The following LHFPL3 variants were observed in gnomAD, a reference collection of about 807,000 sequenced individuals.
LHFPL3 encodes the protein LHFPL tetraspan subfamily member 3.
A neutral mutation model predicts 19.3 loss-of-function variants in LHFPL3; 5 were observed. That is an observed-to-expected ratio of 0.26 (90% CI 0.14 to 0.54). LHFPL3 has a LOEUF of 0.54. Ranked by LOEUF, LHFPL3 falls within the 20% of genes least tolerant of loss-of-function variation. The pLI is 0.94. For synonymous variants in LHFPL3, 133 were observed against 126.2 expected (o/e 1.05, Z -0.36); for missense variants, 249 against 307.4 (o/e 0.81, Z 1.42).
intron 1 of LHFPL3, among the ~76,000 whole-genome samples, chr7:104,720,052 G>T (rs1793458315): frequency 6.6e-6 from 1 of 152,174 alleles, no homozygotes; most frequent in Admixed American, 6.5e-5. Context: ...AGCCTAGGCA[G>T]AAGAACATGG....
At chr7:104,643,203 T>C (rs1049227091) in intron 1 of LHFPL3, among the ~76,000 whole-genome samples, 4 of 152,178 alleles carry the variant, frequency 2.6e-5, no homozygotes, top group African/African-American at 9.6e-5. Flanking sequence ...GCAGGCCTTC[T>C]GGTTTCATTT....
chr7:104,531,367 C>T (rs1394251423), intron 1 of LHFPL3, among the ~76,000 whole-genome samples: 1 of 152,128 alleles, frequency 6.6e-6, no homozygotes, highest in Non-Finnish European at 1.5e-5. Flanking sequence ...TAAGAGTTGG[C>T]AAGGACCGGT....
intron 1 of LHFPL3, among the ~76,000 whole-genome samples, chr7:104,665,537 G>A (rs982826294): frequency 1.1e-4 from 17 of 152,190 alleles, no homozygotes; most frequent in South Asian, 4.2e-4. Flanking sequence ...GCATAACGCC[G>A]GCTTTGTGTA....
rs750274423 is a variant in LHFPL3, at chr7:104,736,809, A to C, written c.580A>C (p.Ile194Leu). ...CSVRWAYILA[I>L]IGILDALILS... is the part of the protein sequence containing the mutation. Reference sequence around the variant, plus strand: ...AGTCCGCTGGGCATACATCCTGGCTATTATTGGAATTTTGGATGCCCTGAT... The same window carrying C: ...AGTCCGCTGGGCATACATCCTGGCTCTTATTGGAATTTTGGATGCCCTGAT... Residue 194 changes from isoleucine (I) to leucine (L), a missense_variant, in exon 2 of 3, where the codon ATT (isoleucine) becomes CTT (leucine). Physicochemically the swap from Ile to Leu is conservative, Grantham distance 5. Transcript: ENST00000424859. The C allele has an allele frequency of 2.0e-5, 33 of 1,613,264 alleles. No homozygotes were observed. Among genetic ancestry groups the C allele is most frequent in the Non-Finnish European group, 2.6e-5 (31 of 1,179,712 alleles).
intron 1 of LHFPL3, among the ~76,000 whole-genome samples, chr7:104,352,342 C>CT (rs1376905160): frequency 1.3e-5 from 2 of 151,980 alleles, no homozygotes; most frequent in African/African-American, 4.8e-5. Context: ...ATATAAAATA[C>CT]TTTTGCACGT....
intron 2 of LHFPL3, among the ~76,000 whole-genome samples, chr7:104,823,636 C>T (rs1254482586): frequency 6.6e-6 from 1 of 152,126 alleles, no homozygotes; most frequent in Non-Finnish European, 1.5e-5. Context: ...TAAAGCAAAA[C>T]TCAGAAACAT....
intron 2 of LHFPL3, among the ~76,000 whole-genome samples, chr7:104,766,478 T>C (rs1432163152): frequency 6.6e-6 from 1 of 152,204 alleles, no homozygotes; most frequent in Non-Finnish European, 1.5e-5. Context: ...ACTAAAATAC[T>C]TAATGGGCTA....
intron 1 of LHFPL3, among the ~76,000 whole-genome samples, chr7:104,603,114 CTTTCTTTCTTTCTTTCT>C (rs1791011556): frequency 3.1e-5 from 4 of 128,544 alleles, no homozygotes; most frequent in Admixed American, 1.6e-4. Flanking sequence ...TTCTTTCTTT[CTTTCTTTCTTTCTTTCT>C]TTTTTCCCTT....
chr7:104,491,985 G>A (rs1170519098), intron 1 of LHFPL3, among the ~76,000 whole-genome samples: 1 of 152,078 alleles, frequency 6.6e-6, no homozygotes, highest in African/African-American at 2.4e-5. Context: ...ACAAAAACTA[G>A]GTCTATGTTC....
chr7:104,766,050 A>G (rs183162310), intron 2 of LHFPL3, among the ~76,000 whole-genome samples: 54 of 152,342 alleles, frequency 3.5e-4, no homozygotes, highest in African/African-American at 1.3e-3. Flanking sequence ...GCTTGTTTCA[A>G]TATCTTTTCT....
intron 1 of LHFPL3, among the ~76,000 whole-genome samples, chr7:104,689,005 T>A (rs1426354136): frequency 4.6e-5 from 7 of 152,168 alleles, no homozygotes; most frequent in Non-Finnish European, 1.5e-5. Context: ...TAGTAGTTTA[T>A]TTGCTTGGTT....
intron 1 of LHFPL3, among the ~76,000 whole-genome samples, chr7:104,549,252 C>G (rs867831383): frequency 9.9e-5 from 15 of 152,054 alleles, no homozygotes; most frequent in Admixed American, 3.3e-4. Flanking sequence ...TCTCTCTTCT[C>G]TCTCCATATG....
intron 1 of LHFPL3, among the ~76,000 whole-genome samples, chr7:104,405,812 T>C (rs1791401784): frequency 6.6e-6 from 1 of 152,188 alleles, no homozygotes; most frequent in Non-Finnish European, 1.5e-5. Flanking sequence ...TGGATGTAAC[T>C]GGTATTAATT....
At chr7:104,365,490 G>C (rs1313953040) in intron 1 of LHFPL3, among the ~76,000 whole-genome samples, 1 of 151,458 alleles carries the variant, frequency 6.6e-6, no homozygotes, top group African/African-American at 2.4e-5. Flanking sequence ...TCAACAAGAT[G>C]AAAAGCCTCG....
intron 1 of LHFPL3, among the ~76,000 whole-genome samples, chr7:104,382,179 C>T (rs926882266): frequency 3.3e-5 from 5 of 152,150 alleles, no homozygotes; most frequent in African/African-American, 1.2e-4. Context: ...CCCTCTGGAC[C>T]AGCAGTATCT....
rs574544293 is a variant in LHFPL3, at chr7:104,403,022, CAG to C, written c.445+73799_445+73800del. ...GTTGAACAATTGGAACACGTGGACA[CAG>C]GGAAGTGAACATCACACACCGGGGC... On this transcript the variant is annotated intron_variant, in intron 1 of 2. Coordinates refer to ENST00000424859, the MANE Select transcript of LHFPL3 (RefSeq NM_199000.3). 5.3e-5 allele frequency among the ~76,000 whole-genome samples: 8 copies of C among 152,106 alleles called. No individual in the cohort carries two copies. The South Asian group carries it at 8.3e-4, about 16-fold the overall frequency.
intron 2 of LHFPL3, among the ~76,000 whole-genome samples, chr7:104,878,371 T>A (rs1482534013): frequency 6.6e-6 from 1 of 152,188 alleles, no homozygotes; most frequent in African/African-American, 2.4e-5. Flanking sequence ...CGTGTCACAT[T>A]TCTGTTATTC....
intron 1 of LHFPL3, among the ~76,000 whole-genome samples, chr7:104,513,861 G>A (rs1355382707): frequency 6.6e-6 from 1 of 152,150 alleles, no homozygotes; most frequent in East Asian, 1.9e-4. Flanking sequence ...GAGAACCACT[G>A]GTTAAACAGA....
chr7:104,765,912 T>C (rs1434540011), intron 2 of LHFPL3, among the ~76,000 whole-genome samples: 3 of 152,226 alleles, frequency 2.0e-5, no homozygotes, highest in Non-Finnish European at 4.4e-5. Context: ...TGGCAATCCT[T>C]CATGGTCAAC....
Sources: gnomAD v4.1 joint callset for allele counts (sites outside exome capture counted in the v4.1 genomes callset) on GRCh38, gnomAD v4.1.1 for gene constraint, MANE v1.5 for transcripts, NCBI Gene and HGNC (gene_info 2026-07-23, HGNC 2026-07-21) for gene names.